Variants in GABBR2 observed in about 807,000 individuals in gnomAD.
GABBR2 encodes the protein gamma-aminobutyric acid type B receptor subunit 2.
In GABBR2, 23 loss-of-function variants were observed where a neutral mutation model predicts 105.6. The observed-to-expected ratio is 0.22, with a 90% CI of 0.16 to 0.31. The LOEUF (loss-of-function observed/expected upper bound fraction) is 0.31. GABBR2 is among the 10% of genes least tolerant of loss of function. The pLI, the probability that GABBR2 is intolerant of heterozygous loss-of-function variation, is 1.00. For synonymous variants in GABBR2, 478 were observed against 499.7 expected (o/e 0.96, Z 0.58); for missense variants, 734 against 1,245.5 (o/e 0.59, Z 6.18).
chr9:98,301,960 T>C (rs1445994676), intron 16 of GABBR2, among the ~76,000 whole-genome samples: 1 of 152,238 alleles, frequency 6.6e-6, no homozygotes, highest in Non-Finnish European at 1.5e-5. Context: ...CGGCCAGATC[T>C]AGCAAATAAA....
At chr9:98,414,837 CT>C (rs1047497408) in intron 7 of GABBR2, among the ~76,000 whole-genome samples, 9 of 152,050 alleles carry the variant, frequency 5.9e-5, no homozygotes, top group African/African-American at 1.9e-4. Flanking sequence ...GTTTTCCCCC[CT>C]GTCAACCAGA....
Position 98,331,396 on chromosome 9 carries a change from C to CTTTTTTT in GABBR2, c.1894-20198_1894-20192dup, listed in dbSNP as rs142735341. On this transcript the variant is annotated intron_variant, in intron 13 of 18. Coordinates refer to ENST00000259455, the MANE Select transcript of GABBR2 (RefSeq NM_005458.8). ...AAGACTTGGGGGAAAAGTCCCTCTT[C>CTTTTTTT]TTTTTTTTTTTTTTTTTTTTTTTTT... Among the ~76,000 whole-genome samples the CTTTTTTT allele has an allele frequency of 4.3e-3, 328 of 75,974 alleles. 5 individuals carry two copies. The highest frequency in any genetic ancestry group is 6.7e-3 in the African/African-American group (122 of 18,260). 49.8% of individuals were successfully genotyped at this position (75,974 alleles called of 152,430 possible).
intron 6 of GABBR2, among the ~76,000 whole-genome samples, chr9:98,469,836 C>G (rs1000928305): frequency 5.9e-5 from 9 of 152,188 alleles, no homozygotes; most frequent in Non-Finnish European, 1.0e-4. Flanking sequence ...TGTGGTTTTA[C>G]AAGTGTTTGC....
At chr9:98,668,541 C>T (rs1055768403) in intron 1 of GABBR2, among the ~76,000 whole-genome samples, 4 of 152,108 alleles carry the variant, frequency 2.6e-5, no homozygotes, top group Non-Finnish European at 5.9e-5. Context: ...ACCATTTTAG[C>T]CATTTTGAAA....
At chr9:98,648,156 G>GATAGATAGAT (rs1293714927) in intron 1 of GABBR2, among the ~76,000 whole-genome samples, 2 of 148,956 alleles carry the variant, frequency 1.3e-5, no homozygotes, top group African/African-American at 5.1e-5. Context: ...TAGATAGATA[G>GATAGATAGAT]AGTCTTACTC....
Position 98,708,597 on chromosome 9 carries a change from G to A in GABBR2, c.141C>T (p.Pro47=). Residue 47 remains proline (P), a synonymous_variant, in exon 1 of 19, where the codon CCC becomes CCT. Transcript: ENST00000259455. ...GCGGCGGGCTGCTGGGCGGCGGCCG[G>A]GGGGCGCCCCGCGCCCAGCCCCAGG... ...PGAWGWARGA[P]RPPPSSPPLS... 1 of 1,440,246 alleles carries A rather than the reference G, an allele frequency of 6.9e-7. No individual in the cohort carries two copies. Among genetic ancestry groups the A allele is most frequent in the Non-Finnish European group, 9.1e-7 (1 of 1,096,322 alleles). The allele number at this position is 1,440,246 out of a possible 1,614,324, so 89.2% of individuals were successfully genotyped here.
At chr9:98,689,069 T>C in intron 1 of GABBR2, among the ~76,000 whole-genome samples, 1 of 152,206 alleles carries the variant, frequency 6.6e-6, no homozygotes, top group Non-Finnish European at 1.5e-5. Context: ...TGCCATCCTA[T>C]TGTATGGCTT....
At chr9:98,365,437 T>C (rs1006165573) in intron 12 of GABBR2, among the ~76,000 whole-genome samples, 2 of 152,192 alleles carry the variant, frequency 1.3e-5, no homozygotes, top group African/African-American at 4.8e-5. Context: ...GACACAAGAC[T>C]AATCATCATG....
At chr9:98,442,184 A>T (rs1247859379) in intron 7 of GABBR2, among the ~76,000 whole-genome samples, 1 of 152,240 alleles carries the variant, frequency 6.6e-6, no homozygotes, top group Non-Finnish European at 1.5e-5. Context: ...GGTACAATAT[A>T]AAGAGTCTCT....
intron 3 of GABBR2, among the ~76,000 whole-genome samples, chr9:98,506,554 C>G (rs1338761822): frequency 6.6e-6 from 1 of 152,186 alleles, no homozygotes; most frequent in Non-Finnish European, 1.5e-5. Context: ...TCTGCAGACA[C>G]AGGGGTGAGT....
chr9:98,665,726 T>C (rs1322050454), intron 1 of GABBR2, among the ~76,000 whole-genome samples: 2 of 152,144 alleles, frequency 1.3e-5, no homozygotes, highest in Admixed American at 6.5e-5. Flanking sequence ...CTGGAGGAGA[T>C]GAAGTGTGGA....
chr9:98,582,933 C>A (rs1484508343), intron 1 of GABBR2, among the ~76,000 whole-genome samples: 1 of 152,148 alleles, frequency 6.6e-6, no homozygotes, highest in Admixed American at 6.5e-5. Context: ...GGGATTTGTC[C>A]ACTGTCTTGC....
chr9:98,373,625 C>T (rs1831823019), intron 11 of GABBR2, among the ~76,000 whole-genome samples: 1 of 152,202 alleles, frequency 6.6e-6, no homozygotes, highest in South Asian at 2.1e-4. Flanking sequence ...CCAGGGACCT[C>T]AGCACACTTG....
rs1302315238 is a variant in GABBR2 at position 98,388,517 on chromosome 9, T to A, written c.1529+337A>T. ...TGGACCTCCACAAAGTACAGGAGTATATCCAAAGCTCTGAGAAGGCCCGTG... is the reference window on the plus strand; with the variant it reads ...TGGACCTCCACAAAGTACAGGAGTAAATCCAAAGCTCTGAGAAGGCCCGTG... On this transcript the variant is annotated intron_variant, in intron 10 of 18. Transcript: ENST00000259455. The surrounding 1 kb of genome is among the most constrained non-coding windows in gnomAD (Gnocchi z 4.4). Among the ~76,000 whole-genome samples, 1 of 152,144 alleles carries A rather than the reference T, an allele frequency of 6.6e-6. No homozygotes were observed. Among genetic ancestry groups the A allele is most frequent in the Admixed American group, 6.5e-5 (1 of 15,272 alleles).
rs116096352 is a variant in GABBR2, at chr9:98,454,517, C to T, written c.1000-300G>A. 0.01 allele frequency among the ~76,000 whole-genome samples: 1,561 copies of T among 152,296 alleles called. 23 individuals are homozygous for T. Among genetic ancestry groups the T allele is most frequent in the African/African-American group, 0.035 (1,467 of 41,558 alleles). On this transcript the variant is annotated intron_variant, in intron 6 of 18. Coordinates refer to ENST00000259455, the MANE Select transcript of GABBR2 (RefSeq NM_005458.8). The surrounding 1 kb of genome is among the most constrained non-coding windows in gnomAD (Gnocchi z 4.6). ...GCAAGACTAGAGAGAGGGGATAATA[C>T]ACCCTAACCAGGCCTTTGCCTCTAA...
intron 1 of GABBR2, among the ~76,000 whole-genome samples, chr9:98,686,544 C>T (rs1335747236): frequency 3.3e-5 from 5 of 151,994 alleles, no homozygotes; most frequent in South Asian, 2.1e-4. Context: ...TATAGGCATG[C>T]ACCACCACAC....
At chr9:98,377,339 A>C (rs1207728909) in intron 11 of GABBR2, among the ~76,000 whole-genome samples, 5 of 152,150 alleles carry the variant, frequency 3.3e-5, no homozygotes, top group Admixed American at 1.3e-4. Context: ...GAGTGGCCAC[A>C]CCATGTGATT....
chr9:98,455,551 T>G (rs1826311323), intron 6 of GABBR2, among the ~76,000 whole-genome samples: 1 of 152,006 alleles, frequency 6.6e-6, no homozygotes, highest in South Asian at 2.1e-4. Flanking sequence ...TTACACAGCC[T>G]GTGTGTGTGT....
Position 98,290,527 on chromosome 9 carries a change from C to T in GABBR2, c.*57G>A. 2.5e-6 allele frequency: 3 copies of T among 1,179,554 alleles called. No homozygotes were observed. Among genetic ancestry groups the T allele is most frequent in the Non-Finnish European group, 3.3e-6 (3 of 912,550 alleles). 73.1% of individuals were successfully genotyped at this position (1,179,554 alleles called of 1,614,324 possible). A position where few individuals can be genotyped will look rare whatever the true frequency, so the allele number is the denominator to read the frequency against. ...AGCCGACAGTGTTTCTGCAGCAGAC[C>T]CCTCTGCCCAGTGTGGTTCTGTCAC... is the stretch of plus-strand genomic sequence containing the variant. On this transcript the variant is annotated 3_prime_UTR_variant, in exon 19 of 19. Coordinates refer to ENST00000259455, the MANE Select transcript of GABBR2 (RefSeq NM_005458.8).
Sources: gnomAD v4.1 joint callset for allele counts (sites outside exome capture counted in the v4.1 genomes callset) on GRCh38, gnomAD v4.1.1 for gene constraint, Gnocchi (gnomAD v3.1) non-coding constraint, MANE v1.5 for transcripts, NCBI Gene and HGNC (gene_info 2026-07-23, HGNC 2026-07-21) for gene names.